The following MAPKAP1 variants were observed in gnomAD, a reference collection of about 807,000 sequenced individuals.
The protein encoded by MAPKAP1 is target of rapamycin complex 2 subunit MAPKAP1.
Under a neutral mutation model 65.7 loss-of-function variants are expected in MAPKAP1, and 20 were observed. The ratio of observed to expected loss-of-function variants is 0.30; its 90% CI spans 0.21 to 0.44. MAPKAP1 has a LOEUF of 0.44. MAPKAP1 is among the 20% of genes least tolerant of loss of function. MAPKAP1 has a pLI of 1.00. For missense variants in MAPKAP1, 423 were observed against 648.0 expected, an observed-to-expected ratio of 0.65 and a Z score of 3.77; for synonymous variants, 222 against 244.3, an observed-to-expected ratio of 0.91 and a Z score of 0.85.
At chr9:125,568,768 C>G (rs1336898050) in intron 5 of MAPKAP1, 1 of 155,176 alleles carries the variant, frequency 6.4e-6, no homozygotes, top group Non-Finnish European at 1.4e-5. Flanking sequence ...CAGCTTGGCC[C>G]CCAGGGCAAT....
At chr9:125,461,794 C>G (rs571554527) in intron 10 of MAPKAP1, among the ~76,000 whole-genome samples, 1 of 152,176 alleles carries the variant, frequency 6.6e-6, no homozygotes, top group Non-Finnish European at 1.5e-5. Flanking sequence ...GTCCACCTAA[C>G]GTCTGGAGTG....
intron 8 of MAPKAP1, among the ~76,000 whole-genome samples, chr9:125,500,607 T>C (rs1211688006): frequency 6.6e-6 from 1 of 152,214 alleles, no homozygotes; most frequent in Non-Finnish European, 1.5e-5. Flanking sequence ...TGCTTGCATA[T>C]ACATAGATGA....
At chr9:125,455,608 C>A (rs1381780295) in intron 10 of MAPKAP1, among the ~76,000 whole-genome samples, 1 of 141,706 alleles carries the variant, frequency 7.1e-6, no homozygotes, top group Non-Finnish European at 1.5e-5. Context: ...TTTTTTTTTT[C>A]CTTTGGTTGA....
At chr9:125,440,588 C>T (rs1264355335) in intron 11 of MAPKAP1, among the ~76,000 whole-genome samples, 2 of 152,102 alleles carry the variant, frequency 1.3e-5, no homozygotes, top group Non-Finnish European at 2.9e-5. Flanking sequence ...AGAGGGCTCC[C>T]GGGGGAGGCA....
At chr9:125,628,102 CAT>C (rs1210366339) in intron 4 of MAPKAP1, among the ~76,000 whole-genome samples, 1 of 152,120 alleles carries the variant, frequency 6.6e-6, no homozygotes, top group Non-Finnish European at 1.5e-5. Flanking sequence ...GAGCAAAGGA[CAT>C]ATAAATATAT....
At chr9:125,518,771 A>G (rs1829536890) in intron 7 of MAPKAP1, among the ~76,000 whole-genome samples, 1 of 152,240 alleles carries the variant, frequency 6.6e-6, no homozygotes, top group African/African-American at 2.4e-5. Context: ...ATGTTAGTAA[A>G]GTAAAACCCG....
At chr9:125,622,799 TCC>T (rs1308237261) in intron 4 of MAPKAP1, among the ~76,000 whole-genome samples, 625 of 34,390 alleles carry the variant, frequency 0.018, 8 homozygotes, top group African/African-American at 0.041. Flanking sequence ...GGAGAGGCTC[TCC>T]CCTCTCCCCT....
intron 7 of MAPKAP1, among the ~76,000 whole-genome samples, chr9:125,518,036 G>T (rs4838268): frequency 0.48 from 73,287 of 152,034 alleles, 18,384 homozygotes; most frequent in African/African-American, 0.63. Context: ...CTTAATAATC[G>T]TTGTTAAATA....
At chr9:125,690,630 T>A (rs975106019) in intron 1 of MAPKAP1, among the ~76,000 whole-genome samples, 10 of 152,230 alleles carry the variant, frequency 6.6e-5, no homozygotes, top group Non-Finnish European at 1.5e-4. Context: ...TAAGCACCAT[T>A]ACAACTCTTT....
chr9:125,520,288 C>G (rs1431103509), intron 7 of MAPKAP1, among the ~76,000 whole-genome samples: 1 of 152,122 alleles, frequency 6.6e-6, no homozygotes. Context: ...CTGCATTGTC[C>G]CTATGCCTGG....
chr9:125,645,447 A>C, intron 4 of MAPKAP1, among the ~76,000 whole-genome samples: 1 of 152,192 alleles, frequency 6.6e-6, no homozygotes, highest in Non-Finnish European at 1.5e-5. Context: ...TTAAAAAGAT[A>C]CCAAATTGGC....
intron 5 of MAPKAP1, among the ~76,000 whole-genome samples, chr9:125,580,683 A>T (rs1316449852): frequency 2.7e-5 from 1 of 37,104 alleles, no homozygotes; most frequent in Non-Finnish European, 7.4e-5. Context: ...TTAAAAGTAT[A>T]AAAAAAAAAA....
intron 4 of MAPKAP1, among the ~76,000 whole-genome samples, chr9:125,626,488 A>G (rs1411287433): frequency 6.6e-6 from 1 of 152,244 alleles, no homozygotes; most frequent in East Asian, 1.9e-4. Context: ...TCCAACAGCC[A>G]CTAGCCACAT....
At chr9:125,703,305 TGG>T (rs1463691373) in intron 1 of MAPKAP1, among the ~76,000 whole-genome samples, 1 of 152,360 alleles carries the variant, frequency 6.6e-6, no homozygotes, top group East Asian at 1.9e-4. Flanking sequence ...TACTCTTTTT[TGG>T]CCAGTTTTTT....
chr9:125,450,570 T>A (rs910356765), intron 10 of MAPKAP1, among the ~76,000 whole-genome samples: 1 of 152,242 alleles, frequency 6.6e-6, no homozygotes, highest in Non-Finnish European at 1.5e-5. Context: ...GCTATCTCTG[T>A]TGGGCTTCTG....
chr9:125,681,864 G>A (rs889139099), intron 1 of MAPKAP1, among the ~76,000 whole-genome samples: 3 of 152,102 alleles, frequency 2.0e-5, no homozygotes, highest in Non-Finnish European at 2.9e-5. Context: ...TTGACTTCCC[G>A]GGCTCAAGTG....
At chr9:125,618,252 C>T (rs1384713855) in intron 4 of MAPKAP1, among the ~76,000 whole-genome samples, 1 of 136,054 alleles carries the variant, frequency 7.4e-6, no homozygotes, top group East Asian at 2.3e-4. Context: ...TGAGGCAGGA[C>T]AATCGCTTGA....
intron 7 of MAPKAP1, among the ~76,000 whole-genome samples, chr9:125,506,991 T>C (rs191253201): frequency 1.3e-5 from 2 of 152,320 alleles, no homozygotes; most frequent in Admixed American, 6.5e-5. Flanking sequence ...GGCATTCATA[T>C]GTGGAAAAAG....
intron 8 of MAPKAP1, among the ~76,000 whole-genome samples, chr9:125,490,119 A>ATGG (rs957952828): frequency 8.5e-5 from 13 of 152,086 alleles, no homozygotes; most frequent in African/African-American, 2.2e-4. Context: ...ACTGGGTCCT[A>ATGG]TGGTGGTGGT....
Sources: gnomAD v4.1 joint callset for allele counts (sites outside exome capture counted in the v4.1 genomes callset) on GRCh38, gnomAD v4.1.1 for gene constraint, MANE v1.5 for transcripts, NCBI Gene and HGNC (gene_info 2026-07-23, HGNC 2026-07-21) for gene names.